AHCTF1: variants seen among roughly 807,000 people sequenced by gnomAD.
AHCTF1 encodes the protein AT-hook containing transcription factor 1.
A neutral mutation model predicts 248.4 loss-of-function variants in AHCTF1; 24 were observed. The ratio of observed to expected loss-of-function variants is 0.10; its 90% CI spans 0.07 to 0.14. The LOEUF (loss-of-function observed/expected upper bound fraction) is 0.14. AHCTF1 is among the 10% of genes least tolerant of loss of function. AHCTF1 has a pLI of 1.00. For synonymous variants in AHCTF1, 786 were observed against 929.8 expected (o/e 0.85, Z 2.81); for missense variants, 2,206 against 2,636.2 (o/e 0.84, Z 3.57).
chr1:246,920,457 A>G (rs1666459970), intron 1 of AHCTF1, among the ~76,000 whole-genome samples: 1 of 152,146 alleles, frequency 6.6e-6, no homozygotes, highest in Non-Finnish European at 1.5e-5. Context: ...ACATGCAACA[A>G]TATGAATGAA....
chr1:246,874,484 C>A (rs1026231979), intron 24 of AHCTF1, among the ~76,000 whole-genome samples: 1 of 152,104 alleles, frequency 6.6e-6, no homozygotes, highest in Non-Finnish European at 1.5e-5. Flanking sequence ...TACCCAAATG[C>A]TAGGACCACT....
At chr1:246,896,695 G>A (rs1327585129) in intron 12 of AHCTF1, among the ~76,000 whole-genome samples, 2 of 152,206 alleles carry the variant, frequency 1.3e-5, no homozygotes, top group Non-Finnish European at 2.9e-5. Context: ...CTGTACACTT[G>A]AAATATCTGA....
chr1:246,907,686 T>A lies in AHCTF1; in HGVS notation c.629A>T (p.His210Leu), dbSNP rs774784059. 1.2e-6 allele frequency: 2 copies of A among 1,614,016 alleles called. No individual in the cohort carries two copies. The highest frequency in any genetic ancestry group is 4.5e-5 in the East Asian group (2 of 44,842). Residue 210 changes from histidine (H) to leucine (L), a missense_variant, in exon 5 of 36, where the codon CAT becomes CTT. Coordinates refer to ENST00000648844, the MANE Select transcript of AHCTF1 (RefSeq NM_001323342.2). Reference sequence around the variant, plus strand: ...TGGACTTACTAACTGGAAACACAGATGGCGCCCTTGTCTCATTACACTTTC... The same window carrying A: ...TGGACTTACTAACTGGAAACACAGAAGGCGCCCTTGTCTCATTACACTTTC... The part of the protein sequence containing the change: ...IRESVMRQGR[H>L]LCFQLVSPTG...
intron 21 of AHCTF1, among the ~76,000 whole-genome samples, chr1:246,880,842 C>T (rs193211316): frequency 2.0e-5 from 3 of 152,070 alleles, no homozygotes; most frequent in Admixed American, 1.3e-4. Flanking sequence ...TCTCTTGCTT[C>T]CTACAGAAGA....
chr1:246,885,351 G>T, intron 21 of AHCTF1, 142 bp downstream of exon 21: 1 of 628,322 alleles, frequency 1.6e-6, no homozygotes, highest in Non-Finnish European at 2.6e-6. Flanking sequence ...TTTTCAATCT[G>T]AATTTGATGC....
chr1:246,868,127 A>G (rs112496509), intron 24 of AHCTF1, among the ~76,000 whole-genome samples: 1 of 142,856 alleles, frequency 7.0e-6, no homozygotes, highest in Non-Finnish European at 1.5e-5. Flanking sequence ...AAGCCCGGCT[A>G]ATTTTTTTTT....
chr1:246,913,143 C>T, intron 4 of AHCTF1, 89 bp downstream of exon 4: 1 of 1,074,596 alleles, frequency 9.3e-7, no homozygotes, highest in East Asian at 2.7e-5. Context: ...TTTACTCCAG[C>T]TGCTATAAAA....
Position 246,847,081 on chromosome 1 carries a change from G to A in AHCTF1, c.6391+2534C>T, listed in dbSNP as rs143531926. Among the ~76,000 whole-genome samples, 1,017 of 152,288 alleles carry A rather than the reference G, an allele frequency of 6.7e-3. 3 individuals carry two copies. The highest frequency in any genetic ancestry group is 0.012 in the Non-Finnish European group (804 of 68,018). ...GCGGGTGGATTATCTGAGGTCAGGC[G>A]TTTGAGACTAGCTTGGCCAACATGG... On this transcript the variant is annotated intron_variant, in intron 33 of 35. Coordinates refer to ENST00000648844, the MANE Select transcript of AHCTF1 (RefSeq NM_001323342.2).
intron 24 of AHCTF1, among the ~76,000 whole-genome samples, chr1:246,871,078 G>C (rs1478506009): frequency 2.0e-5 from 3 of 152,182 alleles, no homozygotes; most frequent in Admixed American, 2.0e-4. Flanking sequence ...GGAACAGCTA[G>C]CCAGGGGAGC....
intron 27 of AHCTF1, among the ~76,000 whole-genome samples, chr1:246,863,191 T>C (rs1399181601): frequency 6.6e-6 from 1 of 152,172 alleles, no homozygotes; most frequent in Non-Finnish European, 1.5e-5. Context: ...ATAAGTATTT[T>C]AGGAAGAGCA....
Position 246,849,856 on chromosome 1 carries a change from T to C in AHCTF1, c.6150A>G (p.Lys2050=), listed in dbSNP as rs373496461. 7.5e-5 allele frequency: 121 copies of C among 1,613,736 alleles called. No individual in the cohort carries two copies. Among genetic ancestry groups the C allele is most frequent in the Non-Finnish European group, 9.9e-5 (117 of 1,179,824 alleles). ...GTTTTTGGCTTTGACTTTCAGTCTT[T>C]TTTGTAAGTTTTTTCTTAGAGCTCA... is the stretch of plus-strand genomic sequence containing the variant. ...MVMSSKKKLT[K]KTESQSQKRS... Residue 2050 remains lysine (K), a synonymous_variant, in exon 33 of 36, where the codon AAA becomes AAG. Transcript: ENST00000648844.
chr1:246,885,825 A>G (rs1398992081), intron 20 of AHCTF1, 145 bp from the exon 21 acceptor site: 1 of 739,170 alleles, frequency 1.4e-6, no homozygotes. Flanking sequence ...TCTGTGCTAT[A>G]TAGAGTTGGC....
chr1:246,891,872 T>C lies in AHCTF1; in HGVS notation c.1852A>G (p.Ile618Val). 2 of 1,598,546 alleles carry C rather than the reference T, an allele frequency of 1.3e-6. No individual in the cohort carries two copies. Among genetic ancestry groups the C allele is most frequent in the South Asian group, 2.3e-5 (2 of 87,854 alleles). Residue 618 changes from isoleucine to valine, a missense_variant, in exon 15 of 36, where the codon ATA becomes GTA. Transcript: ENST00000648844. ...GSCHFMDPQT[I>V]QSIQQCYLLL... is the part of the protein sequence containing the mutation. ...AAATAGCATTGCTGGATAGACTGTA[T>C]AGTTTGTGGATCCATGAAATGACAC...
chr1:246,910,447 T>G (rs1002757128), intron 4 of AHCTF1, among the ~76,000 whole-genome samples: 1 of 152,212 alleles, frequency 6.6e-6, no homozygotes, highest in Non-Finnish European at 1.5e-5. Flanking sequence ...ATTATGATTA[T>G]GTAATAAAAT....
intron 35 of AHCTF1, 108 bp from the exon 36 acceptor site, chr1:246,841,106 T>C: frequency 1.1e-6 from 1 of 899,380 alleles, no homozygotes; most frequent in Non-Finnish European, 1.6e-6. Context: ...AGTGCTTTCA[T>C]TTTATAAAAG....
At chr1:246,868,976 C>G (rs1416550342) in intron 24 of AHCTF1, among the ~76,000 whole-genome samples, 3 of 143,002 alleles carry the variant, frequency 2.1e-5, no homozygotes, top group Middle Eastern at 3.9e-3. Flanking sequence ...TGCTGAGTAG[C>G]TGGGACTACA....
chr1:246,858,944 T>C (rs1049549861), intron 29 of AHCTF1, among the ~76,000 whole-genome samples: 7 of 152,162 alleles, frequency 4.6e-5, no homozygotes, highest in Admixed American at 3.3e-4. Context: ...AAGAGCAATG[T>C]AGGCCAGGAC....
chr1:246,911,211 G>C (rs1665773501), intron 4 of AHCTF1, among the ~76,000 whole-genome samples: 1 of 152,074 alleles, frequency 6.6e-6, no homozygotes. Flanking sequence ...GACTTGAAGG[G>C]AGTTTTAATT....
intron 21 of AHCTF1, among the ~76,000 whole-genome samples, chr1:246,882,656 T>C (rs1663532757): frequency 6.6e-6 from 1 of 152,232 alleles, no homozygotes; most frequent in South Asian, 2.1e-4. Context: ...ATTATGCCTA[T>C]ACAAAAGGAT....
Sources: allele counts gnomAD v4.1 joint callset (sites outside exome capture counted in the v4.1 genomes callset), GRCh38; gene constraint gnomAD v4.1.1; transcripts MANE v1.5; gene names NCBI Gene and HGNC (gene_info 2026-07-23, HGNC 2026-07-21).